RUBCNL: variants seen among roughly 807,000 people sequenced by gnomAD.
RUBCNL encodes the protein rubicon like autophagy enhancer, also known as protein associated with UVRAG as autophagy enhancer.
In RUBCNL, 62 loss-of-function variants were observed where a neutral mutation model predicts 69.5. The observed-to-expected ratio is 0.89, with a 90% confidence interval of 0.73 to 1.10. RUBCNL has a LOEUF of 1.10. RUBCNL is among the 50% of genes least tolerant of loss of function. The pLI is 0.00. For missense variants in RUBCNL, 768 were observed against 798.1 expected, an observed-to-expected ratio of 0.96 and a Z score of 0.45; for synonymous variants, 291 against 303.6, an observed-to-expected ratio of 0.96 and a Z score of 0.43.
chr13:46,379,081 CTTTTAT>C (rs894415102), intron 1 of RUBCNL, among the ~76,000 whole-genome samples: 3 of 152,050 alleles, frequency 2.0e-5, no homozygotes, highest in African/African-American at 4.8e-5. Context: ...TATGAGGGCC[CTTTTAT>C]TTTTATTTAT....
At chr13:46,376,661 A>G (rs2049001308) in intron 2 of RUBCNL, among the ~76,000 whole-genome samples, 1 of 152,252 alleles carries the variant, frequency 6.6e-6, no homozygotes, top group South Asian at 2.1e-4. Context: ...TAGAGTAAAA[A>G]GTGAACAGCG....
At chr13:46,362,307 C>G (rs1357433674) in intron 7 of RUBCNL, among the ~76,000 whole-genome samples, 1 of 152,090 alleles carries the variant, frequency 6.6e-6, no homozygotes, top group Non-Finnish European at 1.5e-5. Context: ...ACCTGTTTAA[C>G]TGAAATGAGG....
At chr13:46,348,016 C>G (rs2048286582) in intron 12 of RUBCNL, among the ~76,000 whole-genome samples, 1 of 152,074 alleles carries the variant, frequency 6.6e-6, no homozygotes, top group Non-Finnish European at 1.5e-5. Context: ...GAAGGAAATT[C>G]TGACACATGC....
At chr13:46,373,238 T>C (rs2048917995) in intron 2 of RUBCNL, among the ~76,000 whole-genome samples, 1 of 152,168 alleles carries the variant, frequency 6.6e-6, no homozygotes, top group Admixed American at 6.5e-5. Flanking sequence ...CCTCTCAAAG[T>C]GCTGGGATTA....
At chr13:46,383,089 ATGTTGATAAC>A (rs1269031423) in intron 1 of RUBCNL, among the ~76,000 whole-genome samples, 4 of 152,258 alleles carry the variant, frequency 2.6e-5, no homozygotes, top group Non-Finnish European at 5.9e-5. Context: ...ACAACTGGCC[ATGTTGATAAC>A]TGCCGAAGCT....
intron 9 of RUBCNL, among the ~76,000 whole-genome samples, chr13:46,358,450 AT>A (rs1267069411): frequency 6.6e-6 from 1 of 152,226 alleles, no homozygotes; most frequent in African/African-American, 2.4e-5. Context: ...ATTACTTTAA[AT>A]TTATAGGTTT....
At chr13:46,373,723 C>G (rs993972543) in intron 2 of RUBCNL, among the ~76,000 whole-genome samples, 2 of 152,266 alleles carry the variant, frequency 1.3e-5, no homozygotes, top group African/African-American at 4.8e-5. Context: ...CACATTCACC[C>G]TGCACAGTGG....
intron 7 of RUBCNL, 22 bp from the exon 8 acceptor site, chr13:46,361,595 T>C: frequency 1.3e-6 from 2 of 1,571,736 alleles, no homozygotes; most frequent in Non-Finnish European, 1.7e-6. Flanking sequence ...GAGATGCAAA[T>C]ACTGGAAAAC....
In RUBCNL at chr13:46,349,300, A is replaced by G. The variant is rs2048317288; in HGVS notation, c.1617T>C (p.Cys539=). The stretch of plus-strand genomic sequence containing the variant: ...GAGAATAGTACCTGTTAGCAAACCT[A>G]CAGGTCTTCAACAGCTTCTTGATAT... ...LFHIKKLLKT[C]RFANSALKEF... Residue 539 remains cysteine (C), a synonymous_variant, in exon 12 of 15, where the codon TGT becomes TGC. Coordinates refer to ENST00000429979, the MANE Select transcript of RUBCNL (RefSeq NM_025113.5). The G allele has an allele frequency of 5.0e-6, 8 of 1,613,708 alleles. No individual in the cohort carries two copies. The East Asian group carries it at 1.8e-4, about 36-fold the overall frequency.
chr13:46,370,641 T>C (rs1478351756), intron 3 of RUBCNL, among the ~76,000 whole-genome samples: 1 of 152,190 alleles, frequency 6.6e-6, no homozygotes, highest in East Asian at 1.9e-4. Context: ...GGGTATCTGT[T>C]TTCTTTCTGA....
rs921242387 is a variant in RUBCNL at position 46,337,310 on chromosome 13, T to C, written c.*6075A>G. ...GGCACTTGCGACCACACCTAATTTT[T>C]GTATTTTTAGTAAAGACTGGGTTTC... is the stretch of plus-strand genomic sequence containing the variant. On this transcript the variant is annotated 3_prime_UTR_variant, in exon 15 of 15. Coordinates refer to ENST00000429979, the MANE Select transcript of RUBCNL (RefSeq NM_025113.5). 6.6e-6 allele frequency among the ~76,000 whole-genome samples: 1 copy of C among 152,148 alleles called. No homozygotes were observed. The highest frequency in any genetic ancestry group is 1.5e-5 in the Non-Finnish European group (1 of 68,030).
chr13:46,377,354 C>T (rs371032207), intron 2 of RUBCNL, among the ~76,000 whole-genome samples: 11 of 152,298 alleles, frequency 7.2e-5, no homozygotes, highest in East Asian at 3.9e-4. Context: ...ACCTCTGCCT[C>T]GTGGATTCAA....
chr13:46,376,652 A>AG (rs2049001103), intron 2 of RUBCNL, among the ~76,000 whole-genome samples: 1 of 152,236 alleles, frequency 6.6e-6, no homozygotes, highest in African/African-American at 2.4e-5. Context: ...ACAGAAGCCT[A>AG]GAGTAAAAAG....
At chr13:46,379,652 A>C (rs570663394) in intron 1 of RUBCNL, among the ~76,000 whole-genome samples, 1 of 152,356 alleles carries the variant, frequency 6.6e-6, no homozygotes, top group African/African-American at 2.4e-5. Context: ...AGAGAATAGA[A>C]ATCACAAATA....
rs543072890 is a variant in RUBCNL, at chr13:46,356,579, G to A, written c.1266-83C>T. ...ACTAATTAGAAAAGAAATTGCCATC[G>A]TGATACTTTTCTAACTAAGGGCCTT... On this transcript the variant is annotated intron_variant, in intron 9 of 14. Transcript: ENST00000429979. 55 of 1,183,582 alleles carry A rather than the reference G, an allele frequency of 4.6e-5. No homozygotes were observed. In the South Asian group the frequency reaches 6.5e-4, roughly 14 times the overall value. The allele number at this position is 1,183,582 out of a possible 1,614,324, so 73.3% of individuals were successfully genotyped here. A position where few individuals can be genotyped will look rare whatever the true frequency, so the allele number is the denominator to read the frequency against.
intron 13 of RUBCNL, among the ~76,000 whole-genome samples, chr13:46,345,169 C>T (rs771964933): frequency 6.6e-6 from 1 of 152,154 alleles, no homozygotes; most frequent in Non-Finnish European, 1.5e-5. Context: ...AATCCTGGTT[C>T]CACATGACTA....
At chr13:46,344,204 C>T (rs932955623) in intron 14 of RUBCNL, among the ~76,000 whole-genome samples, 1 of 152,166 alleles carries the variant, frequency 6.6e-6, no homozygotes, top group Non-Finnish European at 1.5e-5. Flanking sequence ...GGAGGATATG[C>T]CCCTATCAAG....
rs1366923980 is a variant in RUBCNL, at chr13:46,387,158, G to C, written c.-263C>G. 2.0e-6 allele frequency: 2 copies of C among 985,258 alleles called. No homozygotes were observed. The highest frequency in any genetic ancestry group is 1.2e-6 in the Non-Finnish European group (1 of 829,934). 61.0% of individuals were successfully genotyped at this position (985,258 alleles called of 1,614,324 possible). The stretch of plus-strand genomic sequence containing the variant: ...CCCAGCCAAACCCGAGCGGTGGAAC[G>C]CTGCGCTGGGTAAACGCCGCGCGTC... On this transcript the variant is annotated 5_prime_UTR_variant, in exon 1 of 15. Coordinates refer to ENST00000429979, the MANE Select transcript of RUBCNL (RefSeq NM_025113.5).
intron 14 of RUBCNL, among the ~76,000 whole-genome samples, chr13:46,344,494 T>A (rs1222352530): frequency 6.6e-6 from 1 of 152,068 alleles, no homozygotes; most frequent in African/African-American, 2.4e-5. Flanking sequence ...ATCTCCTCTA[T>A]CCAAACCCTG....
Sources: gnomAD v4.1 joint callset for allele counts (sites outside exome capture counted in the v4.1 genomes callset) on GRCh38, gnomAD v4.1.1 for gene constraint, MANE v1.5 for transcripts, NCBI Gene and HGNC (gene_info 2026-07-23, HGNC 2026-07-21) for gene names.